Variants in CNTN3 observed in about 807,000 individuals in gnomAD.
CNTN3 encodes the protein contactin-3.
A neutral mutation model predicts 119.1 loss-of-function variants in CNTN3; 60 were observed. The observed-to-expected ratio is 0.50, with a 90% CI of 0.41 to 0.62. CNTN3 has a LOEUF of 0.62. Among genes scored for constraint, CNTN3 ranks in the 20% least tolerant of loss-of-function variants. CNTN3 has a pLI of 0.00. For synonymous variants in CNTN3, 450 were observed against 438.7 expected (o/e 1.03, Z -0.32); for missense variants, 1,101 against 1,242.4 (o/e 0.89, Z 1.71).
At chr3:74,535,106 C>T (rs79624979) in intron 1 of CNTN3, among the ~76,000 whole-genome samples, 3 of 152,028 alleles carry the variant, frequency 2.0e-5, no homozygotes, top group Non-Finnish European at 4.4e-5. Flanking sequence ...AAGAGACAAA[C>T]GCTGCTTACA....
At chr3:74,506,767 C>T (rs1045159628) in intron 2 of CNTN3, among the ~76,000 whole-genome samples, 4 of 150,096 alleles carry the variant, frequency 2.7e-5, no homozygotes, top group Non-Finnish European at 4.4e-5. Context: ...ACTTACATTC[C>T]CTCTTTCTAT....
chr3:74,284,910 T>C (rs1357668284), intron 20 of CNTN3, among the ~76,000 whole-genome samples: 1 of 152,158 alleles, frequency 6.6e-6, no homozygotes, highest in Non-Finnish European at 1.5e-5. Context: ...GAAAGAAAGA[T>C]AAAGAAGGAA....
chr3:74,340,516 A>C (rs1008877167), intron 11 of CNTN3, among the ~76,000 whole-genome samples: 2 of 152,096 alleles, frequency 1.3e-5, no homozygotes, highest in African/African-American at 4.8e-5. Flanking sequence ...CCCATCAGTA[A>C]AATTTTGGGG....
intron 5 of CNTN3, among the ~76,000 whole-genome samples, chr3:74,414,280 T>C (rs950579044): frequency 1.5e-4 from 23 of 152,220 alleles, no homozygotes; most frequent in African/African-American, 5.3e-4. Context: ...GGAAATTACC[T>C]AGCTTATAAA....
In CNTN3 at chr3:74,609,018, A is replaced by G. The variant is rs868122744; in HGVS notation, c.-81+5373T>C. Among the ~76,000 whole-genome samples the G allele has an allele frequency of 4.6e-5, 7 of 152,156 alleles. No individual in the cohort carries two copies. In the South Asian group the frequency reaches 8.3e-4, roughly 18 times the overall value. ...TGGAAGTAAAGAGCTTTCCTGAACG[A>G]AACAACAAAGAATTGAGGGTGGAAA... On this transcript the variant is annotated intron_variant, in intron 1 of 22. Coordinates refer to ENST00000263665, the MANE Select transcript of CNTN3 (RefSeq NM_020872.3).
chr3:74,609,099 A>G (rs924777688), intron 1 of CNTN3, among the ~76,000 whole-genome samples: 4 of 152,214 alleles, frequency 2.6e-5, no homozygotes, highest in Non-Finnish European at 5.9e-5. Flanking sequence ...TTCCAAGCAC[A>G]TGCAAGAACA....
chr3:74,281,696 C>T (rs551112854), intron 20 of CNTN3, among the ~76,000 whole-genome samples: 11 of 151,868 alleles, frequency 7.2e-5, no homozygotes, highest in African/African-American at 2.4e-4. Flanking sequence ...CTGGATCTAG[C>T]GTAGGGTATG....
intron 1 of CNTN3, among the ~76,000 whole-genome samples, chr3:74,578,202 CTCTGGTT>C (rs1704448681): frequency 6.6e-6 from 1 of 151,870 alleles, no homozygotes; most frequent in Admixed American, 6.6e-5. Context: ...CTCAACCAGA[CTCTGGTT>C]ATAAGATGTT....
chr3:74,351,061 C>T (rs951146225), intron 11 of CNTN3, among the ~76,000 whole-genome samples: 2 of 152,162 alleles, frequency 1.3e-5, no homozygotes, highest in Non-Finnish European at 2.9e-5. Context: ...CAAACCTGCA[C>T]ATTTGCCCTC....
intron 13 of CNTN3, among the ~76,000 whole-genome samples, chr3:74,315,357 T>C (rs1343482629): frequency 6.6e-6 from 1 of 152,228 alleles, no homozygotes; most frequent in Non-Finnish European, 1.5e-5. Flanking sequence ...TTTGTTTCTT[T>C]ACTTCCCTGA....
chr3:74,271,029 C>T (rs955323177), intron 20 of CNTN3, among the ~76,000 whole-genome samples: 2 of 152,034 alleles, frequency 1.3e-5, no homozygotes, highest in African/African-American at 4.8e-5. Flanking sequence ...ATTGTTGTTC[C>T]TTAAGCATCC....
intron 16 of CNTN3, among the ~76,000 whole-genome samples, chr3:74,301,097 T>C (rs1316884608): frequency 6.6e-6 from 1 of 152,200 alleles, no homozygotes; most frequent in Non-Finnish European, 1.5e-5. Flanking sequence ...ACTTCCCTTG[T>C]TAACAGGGTA....
intron 5 of CNTN3, among the ~76,000 whole-genome samples, chr3:74,421,478 T>C (rs180792381): frequency 9.3e-4 from 142 of 152,268 alleles, no homozygotes; most frequent in Non-Finnish European, 1.7e-3. Context: ...TGGTTACTAT[T>C]ATTATTACTA....
chr3:74,430,395 G>T (rs1290565055), intron 4 of CNTN3, among the ~76,000 whole-genome samples: 1 of 152,028 alleles, frequency 6.6e-6, no homozygotes, highest in Non-Finnish European at 1.5e-5. Context: ...ATTCCAAAAG[G>T]TTACTTACTA....
At chr3:74,560,594 A>T (rs1704137959) in intron 1 of CNTN3, among the ~76,000 whole-genome samples, 1 of 152,140 alleles carries the variant, frequency 6.6e-6, no homozygotes, top group South Asian at 2.1e-4. Context: ...AACTAGTACA[A>T]CCATTGTGGA....
chr3:74,275,673 C>G (rs890741705), intron 20 of CNTN3, among the ~76,000 whole-genome samples: 5 of 151,884 alleles, frequency 3.3e-5, no homozygotes, highest in Admixed American at 3.3e-4. Flanking sequence ...CTCTTTAAAG[C>G]ATAAATCTCA....
At chr3:74,305,384 C>T (rs1702541964) in intron 13 of CNTN3, among the ~76,000 whole-genome samples, 1 of 152,080 alleles carries the variant, frequency 6.6e-6, no homozygotes, top group African/African-American at 2.4e-5. Flanking sequence ...TAATTTATGA[C>T]CCATCAATTC....
intron 13 of CNTN3, among the ~76,000 whole-genome samples, chr3:74,333,653 G>C (rs560913887): frequency 4.9e-4 from 75 of 152,130 alleles, no homozygotes; most frequent in Middle Eastern, 3.4e-3. Context: ...TCCACGATAA[G>C]GCAATTTCCA....
At chr3:74,461,320 T>C (rs538574756) in intron 4 of CNTN3, among the ~76,000 whole-genome samples, 1 of 152,204 alleles carries the variant, frequency 6.6e-6, no homozygotes, top group African/African-American at 2.4e-5. Context: ...TCATGCCATT[T>C]ATCTATTGCA....
Sources: allele counts gnomAD v4.1 joint callset (sites outside exome capture counted in the v4.1 genomes callset), GRCh38; gene constraint gnomAD v4.1.1; transcripts MANE v1.5; gene names NCBI Gene and HGNC (gene_info 2026-07-23, HGNC 2026-07-21).